The following ACOT7 variants were observed in gnomAD, a reference collection of about 807,000 sequenced individuals.
The protein encoded by ACOT7 is cytosolic acyl coenzyme A thioester hydrolase.
Under a neutral mutation model 40.2 loss-of-function variants are expected in ACOT7, and 12 were observed. The ratio of observed to expected loss-of-function variants is 0.30; its 90% CI spans 0.19 to 0.48. The LOEUF is 0.48. Among genes scored for constraint, ACOT7 ranks in the 20% least tolerant of loss-of-function variants. ACOT7 has a pLI of 0.99. For synonymous variants in ACOT7, 228 were observed against 219.5 expected (o/e 1.04, Z -0.34); for missense variants, 395 against 530.8 (o/e 0.74, Z 2.51).
chr1:6,364,795 C>T (rs369665539), intron 1 of ACOT7, among the ~76,000 whole-genome samples: 168 of 145,916 alleles, frequency 1.2e-3, no homozygotes, highest in African/African-American at 4.1e-3. Context: ...TTGCAGTGAG[C>T]CAAGATCACG....
intron 4 of ACOT7, among the ~76,000 whole-genome samples, chr1:6,332,744 G>A (rs561535414): frequency 3.3e-5 from 5 of 151,986 alleles, no homozygotes; most frequent in African/African-American, 4.8e-5. Flanking sequence ...TGGCGTGAAC[G>A]TGGGAGGCGG....
rs114607542 is a variant in ACOT7, at chr1:6,328,864, G to A, written c.511-1451C>T. Among the ~76,000 whole-genome samples, 759 of 152,242 alleles carry A rather than the reference G, an allele frequency of 5.0e-3. 11 individuals are homozygous for A. The highest frequency in any genetic ancestry group is 0.017 in the African/African-American group (716 of 41,556). On this transcript the variant is annotated intron_variant, in intron 4 of 8. Coordinates refer to ENST00000361521, the MANE Select transcript of ACOT7 (RefSeq NM_007274.4). The stretch of plus-strand genomic sequence containing the variant: ...GGATGGGACCCTCGGAGGGGCCCTC[G>A]GGGCCTGTGTGCTGGCCGCAGGCTG...
intron 5 of ACOT7, among the ~76,000 whole-genome samples, chr1:6,320,238 A>G (rs1396614778): frequency 6.6e-6 from 1 of 152,252 alleles, no homozygotes; most frequent in Non-Finnish European, 1.5e-5. Flanking sequence ...GGATCCGAAA[A>G]GGAGAGTTTT....
At chr1:6,345,360 G>A (rs1363220909) in intron 2 of ACOT7, among the ~76,000 whole-genome samples, 2 of 152,256 alleles carry the variant, frequency 1.3e-5, no homozygotes, top group Non-Finnish European at 2.9e-5. Flanking sequence ...TGCAGAGGCA[G>A]AGCCTAAAAG....
At position 6,333,514 on chromosome 1, in the gene ACOT7, T is replaced by C. The variant is rs201223176; in HGVS notation, c.473A>G (p.Lys158Arg). Residue 158 changes from lysine (K) to arginine (R), a missense_variant, in exon 4 of 9, where the codon AAG (lysine) becomes AGG (arginine). By Grantham distance (26) the Lys-to-Arg change is conservative. Coordinates refer to ENST00000361521, the MANE Select transcript of ACOT7 (RefSeq NM_007274.4). ...CACCTCGAGGACCTTGTCCACATTC[T>C]TCAGCGACAGGGGCACATACCACAG... ...ATLWYVPLSL[K>R]NVDKVLEVPP... The C allele has an allele frequency of 3.7e-6, 6 of 1,614,134 alleles. No individual in the cohort carries two copies. In the Admixed American group the frequency reaches 8.3e-5, roughly 22 times the overall value.
chr1:6,319,575 G>A (rs1218643652), intron 5 of ACOT7, among the ~76,000 whole-genome samples: 2 of 152,170 alleles, frequency 1.3e-5, no homozygotes. Flanking sequence ...TGAGCTCTTC[G>A]GATTCATAGC....
chr1:6,349,602 A>T (rs60772726), intron 2 of ACOT7, 147 bp downstream of exon 2: 29,311 of 802,180 alleles, frequency 0.037, 1,774 homozygotes, highest in African/African-American at 0.23. Flanking sequence ...CCGGTGCAGA[A>T]ATACTTGGGC....
chr1:6,270,877 C>T (rs565355241), intron 8 of ACOT7, among the ~76,000 whole-genome samples: 22 of 152,136 alleles, frequency 1.4e-4, no homozygotes, highest in African/African-American at 3.1e-4. Context: ...CCAGATGGCC[C>T]GGGGTCACCT....
rs540436306 is a variant in ACOT7, at chr1:6,274,259, G to A, written c.1014+6843C>T. ...GAACTTGGGGTAACAGCCTGGCGACGGCTCAAGACAGCCACAGCCAAGAGG... is the reference window on the plus strand; with the variant it reads ...GAACTTGGGGTAACAGCCTGGCGACAGCTCAAGACAGCCACAGCCAAGAGG... On this transcript the variant is annotated intron_variant, in intron 8 of 8. Coordinates refer to ENST00000361521, the MANE Select transcript of ACOT7 (RefSeq NM_007274.4). The surrounding 1 kb of genome is among the most constrained non-coding windows in gnomAD (Gnocchi z 5.9). Among the ~76,000 whole-genome samples the A allele has an allele frequency of 3.5e-4, 53 of 152,284 alleles. No homozygotes were observed. The highest frequency in any genetic ancestry group is 1.7e-3 in the Admixed American group (26 of 15,300).
At chr1:6,328,364 A>G (rs979890844) in intron 4 of ACOT7, among the ~76,000 whole-genome samples, 3 of 152,172 alleles carry the variant, frequency 2.0e-5, no homozygotes, top group Admixed American at 6.5e-5. Context: ...AAATGTGACT[A>G]TAAGACTCAG....
intron 8 of ACOT7, among the ~76,000 whole-genome samples, chr1:6,267,877 G>T (rs114260806): frequency 6.6e-6 from 1 of 152,134 alleles, no homozygotes; most frequent in Non-Finnish European, 1.5e-5. Flanking sequence ...GACTCACATC[G>T]ACTCCTCTTT....
chr1:6,342,721 T>C (rs1272730203), intron 2 of ACOT7, among the ~76,000 whole-genome samples: 10 of 152,252 alleles, frequency 6.6e-5, no homozygotes, highest in Non-Finnish European at 2.9e-5. Flanking sequence ...CAGTTGATTC[T>C]CATTACAAAC....
intron 2 of ACOT7, among the ~76,000 whole-genome samples, chr1:6,343,574 C>T (rs1395376468): frequency 1.3e-5 from 2 of 152,286 alleles, no homozygotes; most frequent in African/African-American, 4.8e-5. Flanking sequence ...GGAACTGTCT[C>T]TTTCACCCCC....
At chr1:6,297,166 T>A (rs1639834253) in intron 6 of ACOT7, among the ~76,000 whole-genome samples, 1 of 152,124 alleles carries the variant, frequency 6.6e-6, no homozygotes, top group Non-Finnish European at 1.5e-5. Flanking sequence ...CGCCTCCTAG[T>A]AGCTGGGATT....
At chr1:6,357,292 T>C (rs776690324) in intron 1 of ACOT7, among the ~76,000 whole-genome samples, 5 of 150,980 alleles carry the variant, frequency 3.3e-5, no homozygotes, top group Non-Finnish European at 5.9e-5. Context: ...AAACCCAGGG[T>C]AACCAGGGGT....
chr1:6,328,617 G>A (rs1640870056), intron 4 of ACOT7, among the ~76,000 whole-genome samples: 1 of 152,180 alleles, frequency 6.6e-6, no homozygotes, highest in Admixed American at 6.5e-5. Flanking sequence ...GGGAGATGGA[G>A]GTTGCAGTGA....
At chr1:6,295,740 G>A (rs1363207721) in intron 6 of ACOT7, among the ~76,000 whole-genome samples, 1 of 152,216 alleles carries the variant, frequency 6.6e-6, no homozygotes, top group African/African-American at 2.4e-5. Context: ...GGGACAGAGG[G>A]TAGATTAGGG....
intron 7 of ACOT7, among the ~76,000 whole-genome samples, chr1:6,286,445 G>A (rs1239125103): frequency 6.6e-6 from 1 of 152,158 alleles, no homozygotes. Context: ...AGGGCTCTTC[G>A]AGGCCCTGGA....
At chr1:6,272,111 C>T (rs945572460) in intron 8 of ACOT7, among the ~76,000 whole-genome samples, 7 of 152,244 alleles carry the variant, frequency 4.6e-5, no homozygotes, top group African/African-American at 1.7e-4. Context: ...GGCCAGAAGC[C>T]GCGTGCTCAT....
Sources: allele counts gnomAD v4.1 joint callset (sites outside exome capture counted in the v4.1 genomes callset), GRCh38; gene constraint gnomAD v4.1.1; non-coding constraint Gnocchi (gnomAD v3.1); transcripts MANE v1.5; gene names NCBI Gene and HGNC (gene_info 2026-07-23, HGNC 2026-07-21).